Variants in PKD2 observed in about 807,000 individuals in gnomAD.
PKD2 encodes the protein polycystin-2.
Under a neutral mutation model 105.9 loss-of-function variants are expected in PKD2, and 48 were observed. The observed-to-expected ratio is 0.45, with a 90% CI of 0.36 to 0.58. The LOEUF (loss-of-function observed/expected upper bound fraction) is 0.58, where lower values mean the gene tolerates loss of function less well. Ranked by LOEUF, PKD2 falls within the 20% of genes least tolerant of loss-of-function variation. The pLI, the probability that PKD2 is intolerant of heterozygous loss-of-function variation, is 0.00. For missense variants in PKD2, 1,078 were observed against 1,255.3 expected, an observed-to-expected ratio of 0.86 and a Z score of 2.13; for synonymous variants, 464 against 481.1, an observed-to-expected ratio of 0.96 and a Z score of 0.46.
chr4:88,071,544 G>A (rs1167906529), intron 13 of PKD2, among the ~76,000 whole-genome samples: 3 of 147,440 alleles, frequency 2.0e-5, no homozygotes, highest in African/African-American at 7.5e-5. Context: ...TTTTTGTTTT[G>A]TTTTTTGTTG....
intron 10 of PKD2, among the ~76,000 whole-genome samples, chr4:88,063,554 G>A (rs1254086561): frequency 6.6e-6 from 1 of 151,204 alleles, no homozygotes. Context: ...GAAAAGAAAA[G>A]AAAAGAAAAA....
chr4:88,058,189 C>G, intron 9 of PKD2, 86 bp downstream of exon 9: 1 of 863,278 alleles, frequency 1.2e-6, no homozygotes, highest in Non-Finnish European at 1.9e-6. Flanking sequence ...TATGTCCTAT[C>G]AATTTTAAAT....
chr4:88,045,508 A>G (rs893404710), intron 5 of PKD2, among the ~76,000 whole-genome samples: 15 of 152,316 alleles, frequency 9.8e-5, no homozygotes, highest in African/African-American at 3.6e-4. Flanking sequence ...CTGTCCTGTA[A>G]TGGCAGAGAT....
intron 6 of PKD2, among the ~76,000 whole-genome samples, chr4:88,051,279 A>C (rs1315692165): frequency 2.0e-5 from 3 of 152,218 alleles, no homozygotes; most frequent in Non-Finnish European, 4.4e-5. Flanking sequence ...CTGTCTTTCA[A>C]GCCCAAGCTC....
chr4:88,017,149 C>A (rs1233156007), intron 1 of PKD2, among the ~76,000 whole-genome samples: 1 of 152,008 alleles, frequency 6.6e-6, no homozygotes, highest in East Asian at 1.9e-4. Flanking sequence ...CGTATTGAGA[C>A]CTCATCTCTG....
Position 88,038,609 on chromosome 4 carries a change from G to A in PKD2, c.1094+108G>A, listed in dbSNP as rs1000501222. ...GACACCTTCACCAAGGCAAAAATAAGTTCAGTGACTCTTCAGTGCTTATAT... is the reference window on the plus strand; with the variant it reads ...GACACCTTCACCAAGGCAAAAATAAATTCAGTGACTCTTCAGTGCTTATAT... On this transcript the variant is annotated intron_variant, in intron 4 of 14. Transcript: ENST00000237596. 2.6e-6 allele frequency: 3 copies of A among 1,147,794 alleles called. No homozygotes were observed. In the African/African-American group the frequency reaches 4.6e-5, roughly 17 times the overall value. 71.1% of individuals were successfully genotyped at this position (1,147,794 alleles called of 1,614,324 possible). A position where few individuals can be genotyped will look rare whatever the true frequency, so the allele number is the denominator to read the frequency against.
intron 2 of PKD2, among the ~76,000 whole-genome samples, chr4:88,023,417 ATGATC>A (rs1266504126): frequency 2.6e-5 from 4 of 152,160 alleles, no homozygotes. Context: ...ATCCACCCCC[ATGATC>A]TGATCACCTC....
At position 88,053,611 on chromosome 4, in the gene PKD2, C is replaced by T. The variant is rs192076673; in HGVS notation, c.1716+1453C>T. Among the ~76,000 whole-genome samples the T allele has an allele frequency of 5.0e-4, 75 of 150,904 alleles. No individual in the cohort carries two copies. In the East Asian group the frequency reaches 0.011, roughly 22 times the overall value. On this transcript the variant is annotated intron_variant, in intron 7 of 14. Transcript: ENST00000237596. ...GGCGGAGGGTGCAGTGAGCCAAGAT[C>T]GCACCGCTGCACTCCAGCCTGGGCA...
In PKD2 at chr4:88,019,551, T is replaced by A; in HGVS notation, c.689T>A (p.Phe230Tyr). 1 of 1,569,236 alleles carries A rather than the reference T, an allele frequency of 6.4e-7. No individual in the cohort carries two copies. The highest frequency in any genetic ancestry group is 8.8e-7 in the Non-Finnish European group (1 of 1,139,030). ...VLRELVTYLL[F>Y]LIVLCILTYG... ...CGGGAACTGGTCACATACCTCCTTTTTCTCATAGTCTTGTGCATCTGTAAG... is the reference window on the plus strand; with the variant it reads ...CGGGAACTGGTCACATACCTCCTTTATCTCATAGTCTTGTGCATCTGTAAG... The change falls in exon 2 of 15, where the codon TTT (phenylalanine) becomes TAT (tyrosine). Residue 230 changes from phenylalanine to tyrosine, a missense_variant. By Grantham distance (22) the Phe-to-Tyr change is conservative (BLOSUM62 3). Coordinates refer to ENST00000237596, the MANE Select transcript of PKD2 (RefSeq NM_000297.4).
intron 2 of PKD2, among the ~76,000 whole-genome samples, chr4:88,021,964 A>C (rs886126719): frequency 2.0e-5 from 3 of 152,228 alleles, no homozygotes; most frequent in African/African-American, 7.2e-5. Context: ...TGTTCTGTTC[A>C]TCAGAGTCCC....
At chr4:88,026,336 T>C (rs1726957833) in intron 2 of PKD2, among the ~76,000 whole-genome samples, 1 of 152,130 alleles carries the variant, frequency 6.6e-6, no homozygotes, top group South Asian at 2.1e-4. Context: ...CTGGCAGCAT[T>C]TTTCCCCTGC....
chr4:88,052,100 A>T lies in PKD2; in HGVS notation c.1658A>T (p.Tyr553Phe). Residue 553 changes from tyrosine to phenylalanine, a missense_variant, in exon 7 of 15, where the codon TAT (tyrosine) becomes TTT (phenylalanine). This residue lies in a region of PKD2 where 868 missense variants were observed against 1,067.3 expected (regional missense o/e 0.81). Coordinates refer to ENST00000237596, the MANE Select transcript of PKD2 (RefSeq NM_000297.4). The stretch of plus-strand genomic sequence containing the variant: ...TTCCCCAACTTTGAGCATCTGGCAT[A>T]TTGGCAGATACAGTTCAACAATATA... ...NTFPNFEHLA[Y>F]WQIQFNNIAA... 1.2e-6 allele frequency: 2 copies of T among 1,606,380 alleles called. No homozygotes were observed. The highest frequency in any genetic ancestry group is 1.3e-5 in the African/African-American group (1 of 74,912).
intron 9 of PKD2, among the ~76,000 whole-genome samples, chr4:88,060,188 C>T (rs757253627): frequency 6.6e-6 from 1 of 152,006 alleles, no homozygotes; most frequent in Non-Finnish European, 1.5e-5. Flanking sequence ...CACTTGGAAG[C>T]AAAAATAGAA....
intron 6 of PKD2, among the ~76,000 whole-genome samples, chr4:88,047,822 A>AC (rs1465641328): frequency 6.6e-6 from 1 of 152,142 alleles, no homozygotes; most frequent in African/African-American, 2.4e-5. Context: ...ACATAGTGAG[A>AC]CCCCATCTCT....
intron 7 of PKD2, among the ~76,000 whole-genome samples, 190 bp downstream of exon 7, chr4:88,052,348 AG>A (rs767402527): frequency 1.3e-5 from 2 of 152,172 alleles, no homozygotes; most frequent in Admixed American, 6.5e-5. Context: ...AGCTCATTGC[AG>A]CCTCGACTTC....
At chr4:88,013,065 C>T (rs1726441352) in intron 1 of PKD2, among the ~76,000 whole-genome samples, 1 of 152,112 alleles carries the variant, frequency 6.6e-6, no homozygotes, top group South Asian at 2.1e-4. Context: ...TTCCACCTTT[C>T]GACTGTTGTG....
intron 14 of PKD2, 26 bp from the exon 15 acceptor site, chr4:88,075,432 A>G: frequency 3.9e-6 from 6 of 1,549,318 alleles, no homozygotes; most frequent in South Asian, 1.1e-5. Flanking sequence ...ACTGCCCCCA[A>G]CACCAGTTTC....
intron 10 of PKD2, 119 bp downstream of exon 10, chr4:88,062,123 G>A: frequency 3.0e-6 from 2 of 661,084 alleles, no homozygotes; most frequent in Non-Finnish European, 5.6e-6. Context: ...AGAATACATT[G>A]CTATATTTCA....
At chr4:88,070,601 T>TATAGAGAG (rs1313482750) in intron 13 of PKD2, among the ~76,000 whole-genome samples, 2,384 of 91,228 alleles carry the variant, frequency 0.026, 38 homozygotes, top group Non-Finnish European at 0.037. Flanking sequence ...TATATATATA[T>TATAGAGAG]AGAGAGAGAG....
Sources: gnomAD v4.1 joint callset for allele counts (sites outside exome capture counted in the v4.1 genomes callset) on GRCh38, gnomAD v4.1.1 for gene constraint, gnomAD v4.1.1 regional missense constraint, MANE v1.5 for transcripts, NCBI Gene and HGNC (gene_info 2026-07-23, HGNC 2026-07-21) for gene names.